The following TG variants were observed in gnomAD, a reference collection of about 807,000 sequenced individuals.
TG encodes thyroglobulin.
Under a neutral mutation model 324.7 loss-of-function variants are expected in TG, and 270 were observed. The observed-to-expected ratio is 0.83, with a 90% CI of 0.75 to 0.92. The LOEUF is 0.92. Among genes scored for constraint, TG ranks in the 40% least tolerant of loss-of-function variants. The probability of loss-of-function intolerance (pLI) is 0.00; values close to 1 mark genes in which losing one functional copy is unlikely to be tolerated. For missense variants in TG, 3,591 were observed against 3,456.4 expected, an observed-to-expected ratio of 1.04 and a Z score of -0.98; for synonymous variants, 1,401 against 1,327.0, an observed-to-expected ratio of 1.06 and a Z score of -1.21.
At chr8:132,962,434 A>G (rs571701590) in intron 28 of TG, among the ~76,000 whole-genome samples, 450 of 152,310 alleles carry the variant, frequency 3.0e-3, no homozygotes, top group Non-Finnish European at 5.8e-3. Flanking sequence ...AATTTCTGAT[A>G]AAGTGTTAGC....
chr8:133,004,868 C>T (rs926339484), intron 35 of TG, among the ~76,000 whole-genome samples: 1 of 152,106 alleles, frequency 6.6e-6, no homozygotes, highest in African/African-American at 2.4e-5. Context: ...TCAGGAGGCC[C>T]TTGTTTGGAG....
intron 24 of TG, among the ~76,000 whole-genome samples, chr8:132,935,265 T>C (rs978418889): frequency 1.3e-5 from 2 of 151,918 alleles, no homozygotes; most frequent in Non-Finnish European, 2.9e-5. Context: ...CTCAGCCTCC[T>C]GAGTAGCTGG....
chr8:132,920,071 T>C (rs1271357383), intron 21 of TG, among the ~76,000 whole-genome samples: 3 of 152,240 alleles, frequency 2.0e-5, no homozygotes, highest in South Asian at 2.1e-4. Context: ...GTCAACCTTA[T>C]CAGATTGAAA....
chr8:132,954,991 A>T (rs1826638451), intron 27 of TG, among the ~76,000 whole-genome samples: 2 of 152,176 alleles, frequency 1.3e-5, no homozygotes, highest in East Asian at 3.9e-4. Context: ...GGCAAGTGCC[A>T]CTGTATTGGT....
chr8:132,962,795 A>G (rs1246623507), intron 28 of TG, among the ~76,000 whole-genome samples, 199 bp from the exon 29 acceptor site: 1 of 152,192 alleles, frequency 6.6e-6, no homozygotes, highest in African/African-American at 2.4e-5. Context: ...ACAGATAATG[A>G]TGTTCTATCA....
At chr8:133,108,491 A>T (rs1163366349) in intron 43 of TG, among the ~76,000 whole-genome samples, 1 of 152,212 alleles carries the variant, frequency 6.6e-6, no homozygotes, top group Non-Finnish European at 1.5e-5. Flanking sequence ...TGTAGGTTTC[A>T]TCTCATCTAA....
intron 41 of TG, among the ~76,000 whole-genome samples, chr8:133,035,339 A>G (rs1587818808): frequency 6.6e-6 from 1 of 152,224 alleles, no homozygotes; most frequent in Admixed American, 6.5e-5. Flanking sequence ...TCATTTTGGA[A>G]TTTGATTTCC....
intron 38 of TG, among the ~76,000 whole-genome samples, chr8:133,019,132 A>T (rs1014684594): frequency 7.2e-5 from 11 of 152,196 alleles, no homozygotes; most frequent in African/African-American, 2.7e-4. Flanking sequence ...CATTGGGTAG[A>T]TGACCATTGC....
chr8:132,976,992 G>T (rs980284709), intron 34 of TG, among the ~76,000 whole-genome samples: 1 of 152,318 alleles, frequency 6.6e-6, no homozygotes, highest in African/African-American at 2.4e-5. Flanking sequence ...GGTGGGCCAT[G>T]TGGACCAGTA....
At position 133,113,553 on chromosome 8, in the gene TG, C is replaced by T. The variant is rs1850442045; in HGVS notation, c.7704C>T (p.His2568=). Residue 2568 remains histidine, a synonymous_variant, in exon 44 of 48, where the codon CAC becomes CAT. Coordinates refer to ENST00000220616, the MANE Select transcript of TG (RefSeq NM_003235.5). The part of the protein sequence containing the change: ...AAATWYYSLE[H]STDDYASFSR... The stretch of plus-strand genomic sequence containing the variant: ...CTACATGGTATTACTCTCTGGAGCA[C>T]TCCACGGATGACTATGCCTCCTTCT... 10 of 1,614,202 alleles carry T rather than the reference C, an allele frequency of 6.2e-6. No homozygotes were observed. Among genetic ancestry groups the T allele is most frequent in the Non-Finnish European group, 8.5e-6 (10 of 1,180,034 alleles).
chr8:133,055,670 A>T (rs545322045), intron 41 of TG, among the ~76,000 whole-genome samples: 1 of 152,204 alleles, frequency 6.6e-6, no homozygotes, highest in Non-Finnish European at 1.5e-5. Flanking sequence ...TGCTAGAGGG[A>T]TATAGGCAGG....
chr8:133,110,342 A>G (rs530843616), intron 43 of TG, among the ~76,000 whole-genome samples: 4 of 152,270 alleles, frequency 2.6e-5, no homozygotes, highest in East Asian at 1.9e-4. Flanking sequence ...TCATCGCCCA[A>G]TCTCCTTGTT....
At chr8:133,118,101 T>C (rs981690263) in intron 45 of TG, among the ~76,000 whole-genome samples, 3 of 152,114 alleles carry the variant, frequency 2.0e-5, no homozygotes, top group Admixed American at 2.0e-4. Flanking sequence ...GTAGGCTGAA[T>C]AATGGCCACC....
intron 26 of TG, among the ~76,000 whole-genome samples, chr8:132,942,334 C>T (rs1824564851): frequency 6.6e-6 from 1 of 152,138 alleles, no homozygotes; most frequent in Non-Finnish European, 1.5e-5. Flanking sequence ...TCCTGGTGTG[C>T]CATTGATTGA....
chr8:133,133,441 T>C (rs752092196), intron 46 of TG, 29 bp from the exon 47 acceptor site: 10 of 1,606,656 alleles, frequency 6.2e-6, no homozygotes, highest in South Asian at 4.4e-5. Flanking sequence ...ATTTCCCTCA[T>C]GGATATTTCT....
chr8:132,981,083 G>A (rs117617148), intron 34 of TG, among the ~76,000 whole-genome samples: 2 of 152,216 alleles, frequency 1.3e-5, no homozygotes, highest in East Asian at 3.9e-4. Flanking sequence ...GATTCTCAGG[G>A]CTCATCTCAG....
intron 13 of TG, among the ~76,000 whole-genome samples, chr8:132,898,500 C>G (rs1479646559): frequency 2.6e-5 from 4 of 152,200 alleles, no homozygotes; most frequent in Admixed American, 6.5e-5. Context: ...TGGTTCTCCC[C>G]CTCTGTACAT....
intron 25 of TG, among the ~76,000 whole-genome samples, chr8:132,937,918 T>C (rs1050289110): frequency 2.6e-5 from 4 of 152,130 alleles, no homozygotes; most frequent in Admixed American, 6.5e-5. Context: ...TATGTTTTGC[T>C]TTTTTTGGTT....
chr8:133,077,557 A>G (rs1845086014), intron 41 of TG, among the ~76,000 whole-genome samples: 3 of 152,190 alleles, frequency 2.0e-5, no homozygotes, highest in African/African-American at 7.2e-5. Flanking sequence ...GGGCTGTGCC[A>G]GAGCAGGGGG....
Sources: gnomAD v4.1 joint callset for allele counts (sites outside exome capture counted in the v4.1 genomes callset) on GRCh38, gnomAD v4.1.1 for gene constraint, MANE v1.5 for transcripts, NCBI Gene and HGNC (gene_info 2026-07-23, HGNC 2026-07-21) for gene names.